CEP83: variants seen among roughly 807,000 people sequenced by gnomAD.
The protein encoded by CEP83 is centrosomal protein 83.
Under a neutral mutation model 101.9 loss-of-function variants are expected in CEP83, and 70 were observed. The observed-to-expected ratio is 0.69, with a 90% confidence interval of 0.57 to 0.84. The LOEUF is 0.84. CEP83 is among the 40% of genes least tolerant of loss of function. The probability of loss-of-function intolerance (pLI) is 0.00; values close to 1 mark genes in which losing one functional copy is unlikely to be tolerated. For synonymous variants in CEP83, 264 were observed against 267.9 expected (o/e 0.99, Z 0.14); for missense variants, 715 against 787.2 (o/e 0.91, Z 1.10).
rs993276363 is a variant in CEP83, at chr12:94,308,033, G to A, written c.*780C>T. ...AATGGGTGTAGACCAAAAAAAATGA[G>A]AGCATACTTAGGGACACAAAACACA... On this transcript the variant is annotated 3_prime_UTR_variant, in exon 17 of 17. Coordinates refer to ENST00000397809, the MANE Select transcript of CEP83 (RefSeq NM_016122.3). 3 of 152,072 alleles carry A rather than the reference G, an allele frequency of 2.0e-5. No individual in the cohort carries two copies. The highest frequency in any genetic ancestry group is 4.4e-5 in the Non-Finnish European group (3 of 68,012). The allele number at this position is 152,072 out of a possible 1,614,324, so 9.4% of individuals were successfully genotyped here. A position where few individuals can be genotyped will look rare whatever the true frequency, so the allele number is the denominator to read the frequency against.
chr12:94,282,459 A>T, the CEP83 span: 2 of 1,147,428 alleles, frequency 1.7e-6, no homozygotes, highest in African/African-American at 3.1e-5. Flanking sequence ...AGTCCCATGG[A>T]CATTCTTTTA....
Position 94,308,840 on chromosome 12 carries a change from T to C in CEP83, c.2079A>G (p.Leu693=). The change falls in exon 17 of 17, where the codon CTA becomes CTG. Residue 693 remains leucine, a synonymous_variant. Coordinates refer to ENST00000397809, the MANE Select transcript of CEP83 (RefSeq NM_016122.3). ...EELETTQRKQ[L]EELGSSGE is the part of the protein sequence containing the mutation. The stretch of plus-strand genomic sequence containing the variant: ...ATTCTCCGGAAGATCCAAGTTCCTC[T>C]AGTTGTTTTCTTTGTGTTGTTTCCA... The C allele has an allele frequency of 6.2e-7, 1 of 1,612,122 alleles. No individual in the cohort carries two copies. Among genetic ancestry groups the C allele is most frequent in the Non-Finnish European group, 8.5e-7 (1 of 1,178,346 alleles).
At chr12:94,326,155 G>A (rs765157552) in intron 14 of CEP83, among the ~76,000 whole-genome samples, 21 of 152,238 alleles carry the variant, frequency 1.4e-4, no homozygotes, top group Admixed American at 2.0e-4. Context: ...GAGAGCTTCC[G>A]GGCTGGTGAC....
chr12:94,358,037 C>T (rs1468458109), intron 11 of CEP83, among the ~76,000 whole-genome samples: 1 of 152,186 alleles, frequency 6.6e-6, no homozygotes, highest in East Asian at 1.9e-4. Context: ...TTGGTAGATA[C>T]AGGAGCAGAC....
chr12:94,282,482 C>A, the CEP83 span: 3 of 901,620 alleles, frequency 3.3e-6, no homozygotes, highest in African/African-American at 1.7e-5. Context: ...ACATCCAGGA[C>A]TCCCACCCAT....
chr12:94,292,133 T>C, the CEP83 span, among the ~76,000 whole-genome samples: 1 of 152,234 alleles, frequency 6.6e-6, no homozygotes, highest in East Asian at 1.9e-4. Context: ...AATGAACTAC[T>C]TGTAGTTGCA....
At chr12:94,439,733 A>T (rs1294570078) in intron 1 of CEP83, among the ~76,000 whole-genome samples, 1 of 152,154 alleles carries the variant, frequency 6.6e-6, no homozygotes, top group Non-Finnish European at 1.5e-5. Context: ...GAAAGGACAT[A>T]ACAAAAAAAG....
intron 4 of CEP83, among the ~76,000 whole-genome samples, chr12:94,410,373 A>G (rs1354524027): frequency 2.0e-5 from 3 of 152,222 alleles, no homozygotes; most frequent in Admixed American, 2.0e-4. Flanking sequence ...ACCACATGAG[A>G]AAACTAGGCA....
At chr12:94,327,019 C>T (rs1014849683) in intron 14 of CEP83, among the ~76,000 whole-genome samples, 12 of 148,178 alleles carry the variant, frequency 8.1e-5, no homozygotes, top group African/African-American at 3.1e-4. Context: ...ATAAGGCAGA[C>T]CTCAGGATGA....
chr12:94,300,390 C>T, the CEP83 span, among the ~76,000 whole-genome samples: 3 of 152,126 alleles, frequency 2.0e-5, no homozygotes, highest in Non-Finnish European at 4.4e-5. Context: ...GCCAAGAGCA[C>T]AAGTTGTGAG....
At chr12:94,396,927 T>C (rs1313770914) in intron 6 of CEP83, among the ~76,000 whole-genome samples, 1 of 152,252 alleles carries the variant, frequency 6.6e-6, no homozygotes, top group Admixed American at 6.5e-5. Context: ...ACTAAATTTG[T>C]TGTTTCTATA....
At chr12:94,430,147 T>C (rs149319426) in intron 2 of CEP83, among the ~76,000 whole-genome samples, 66 of 152,150 alleles carry the variant, frequency 4.3e-4, no homozygotes, top group African/African-American at 1.4e-3. Flanking sequence ...TCAGCCACCA[T>C]TGGCAACTAA....
intron 12 of CEP83, among the ~76,000 whole-genome samples, chr12:94,334,581 C>G (rs1484774888): frequency 1.3e-5 from 2 of 151,992 alleles, no homozygotes; most frequent in African/African-American, 4.8e-5. Context: ...TCAAAAGAAC[C>G]TATTATGAGA....
chr12:94,332,967 A>G (rs1315594598), intron 13 of CEP83, among the ~76,000 whole-genome samples: 1 of 150,976 alleles, frequency 6.6e-6, no homozygotes, highest in Non-Finnish European at 1.5e-5. Context: ...AGAGGATATA[A>G]GATCTTGAAC....
the CEP83 span, chr12:94,297,274 G>A: frequency 2.5e-6 from 4 of 1,613,030 alleles, no homozygotes; most frequent in East Asian, 6.7e-5. Flanking sequence ...TCTGTAGCAA[G>A]AGTGGTCTCC....
intron 9 of CEP83, chr12:94,368,863 T>C (rs1457299218): frequency 2.6e-5 from 4 of 152,078 alleles, no homozygotes; most frequent in African/African-American, 9.7e-5. Context: ...TTGGAAAAAA[T>C]CATTCATAGC....
chr12:94,310,786 A>C (rs1969735364), intron 15 of CEP83, among the ~76,000 whole-genome samples: 1 of 152,240 alleles, frequency 6.6e-6, no homozygotes, highest in Non-Finnish European at 1.5e-5. Flanking sequence ...TCAAATATAG[A>C]GATTTTCATA....
intron 9 of CEP83, chr12:94,369,357 G>C (rs2061181729): frequency 6.6e-6 from 1 of 152,390 alleles, no homozygotes; most frequent in Admixed American, 6.5e-5. Flanking sequence ...GGGAGGCTGA[G>C]GCAGGAGAAT....
intron 11 of CEP83, chr12:94,361,283 C>G (rs988062563): frequency 2.0e-5 from 3 of 152,176 alleles, no homozygotes; most frequent in African/African-American, 7.2e-5. Context: ...AGAGGATCAC[C>G]TGAGTCCAGA....
Sources: gnomAD v4.1 joint callset for allele counts (sites outside exome capture counted in the v4.1 genomes callset) on GRCh38, gnomAD v4.1.1 for gene constraint, MANE v1.5 for transcripts, NCBI Gene and HGNC (gene_info 2026-07-23, HGNC 2026-07-21) for gene names.